The following ANXA4 variants were observed in gnomAD, a reference collection of about 807,000 sequenced individuals.
ANXA4 encodes annexin A4.
Under a neutral mutation model 49.8 loss-of-function variants are expected in ANXA4, and 39 were observed. The ratio of observed to expected loss-of-function variants is 0.78; its 90% CI spans 0.61 to 1.02. ANXA4 has a LOEUF of 1.02. ANXA4 is among the 50% of genes least tolerant of loss of function. The probability of loss-of-function intolerance (pLI) is 0.00; values close to 1 mark genes in which losing one functional copy is unlikely to be tolerated. For synonymous variants in ANXA4, 134 were observed against 152.5 expected, an observed-to-expected ratio of 0.88 and a Z score of 0.89; for missense variants, 360 against 410.1, an observed-to-expected ratio of 0.88 and a Z score of 1.05.
chr2:69,672,975 A>C (rs937807429), intron 2 of ANXA4, among the ~76,000 whole-genome samples: 3 of 152,190 alleles, frequency 2.0e-5, no homozygotes, highest in Non-Finnish European at 4.4e-5. Flanking sequence ...ATACCATCTC[A>C]CACCAGTTAG....
chr2:69,803,989 T>G (rs1430097302), intron 3 of ANXA4, among the ~76,000 whole-genome samples: 3 of 151,672 alleles, frequency 2.0e-5, no homozygotes, highest in Non-Finnish European at 4.4e-5. Context: ...AACACAAAAA[T>G]TCGCTGGGGG....
chr2:69,741,269 A>G (rs1670387166), upstream of ANXA4, among the ~76,000 whole-genome samples: 1 of 152,198 alleles, frequency 6.6e-6, no homozygotes, highest in Non-Finnish European at 1.5e-5. Flanking sequence ...TTCTGCAAGC[A>G]TTCACTACGT....
At chr2:69,718,665 A>G (rs1669718383) in intron 2 of ANXA4, among the ~76,000 whole-genome samples, 1 of 152,152 alleles carries the variant, frequency 6.6e-6, no homozygotes, top group Admixed American at 6.5e-5. Flanking sequence ...ACATGCATAC[A>G]CAAACATGTA....
intron 2 of ANXA4, among the ~76,000 whole-genome samples, chr2:69,695,240 C>A (rs779339663): frequency 6.6e-6 from 1 of 152,156 alleles, no homozygotes; most frequent in Non-Finnish European, 1.5e-5. Flanking sequence ...AGTACTCACA[C>A]CATAAACAGC....
chr2:69,821,783 G>C (rs1468260978), intron 12 of ANXA4, among the ~76,000 whole-genome samples: 2 of 152,142 alleles, frequency 1.3e-5, no homozygotes, highest in Admixed American at 1.3e-4. Context: ...CGTCTACAAG[G>C]CATGCAGGAA....
At chr2:69,702,143 C>T (rs188202650) in intron 2 of ANXA4, among the ~76,000 whole-genome samples, 67 of 147,400 alleles carry the variant, frequency 4.5e-4, no homozygotes, top group African/African-American at 1.6e-3. Flanking sequence ...TCCTGAGCAG[C>T]TGTGATTACA....
chr2:69,763,322 G>C (rs1343775066), intron 1 of ANXA4, among the ~76,000 whole-genome samples: 2 of 152,186 alleles, frequency 1.3e-5, no homozygotes, highest in Non-Finnish European at 2.9e-5. Context: ...CTTACTCTCT[G>C]CTCAGTTCCA....
intron 2 of ANXA4, among the ~76,000 whole-genome samples, chr2:69,677,584 A>G (rs191557865): frequency 4.9e-4 from 74 of 152,238 alleles, no homozygotes; most frequent in African/African-American, 1.7e-3. Flanking sequence ...GCTACATCAC[A>G]ATTTGCTTAA....
intron 2 of ANXA4, among the ~76,000 whole-genome samples, chr2:69,674,949 G>T (rs1226040794): frequency 7.1e-6 from 1 of 139,888 alleles, no homozygotes; most frequent in Non-Finnish European, 1.5e-5. Flanking sequence ...TTGAGATGGA[G>T]TCTCGCTCTG....
At chr2:69,763,135 GT>G (rs2105530373) in intron 1 of ANXA4, among the ~76,000 whole-genome samples, 2 of 152,236 alleles carry the variant, frequency 1.3e-5, no homozygotes, top group South Asian at 4.1e-4. Context: ...TTCTGTTTTT[GT>G]GCTCTTCTGC....
At chr2:69,708,227 T>C (rs1440078472) in intron 2 of ANXA4, among the ~76,000 whole-genome samples, 1 of 152,138 alleles carries the variant, frequency 6.6e-6, no homozygotes, top group Non-Finnish European at 1.5e-5. Flanking sequence ...CACAATGATA[T>C]CATGATTCCC....
chr2:69,723,981 G>A (rs560162533), intron 3 of ANXA4, among the ~76,000 whole-genome samples: 3 of 152,212 alleles, frequency 2.0e-5, no homozygotes, highest in Non-Finnish European at 4.4e-5. Context: ...GGGGCCGGGC[G>A]CGGTGGCGCA....
chr2:69,756,275 G>A (rs977665889), intron 1 of ANXA4, among the ~76,000 whole-genome samples: 3 of 152,156 alleles, frequency 2.0e-5, no homozygotes, highest in Non-Finnish European at 4.4e-5. Flanking sequence ...CCTGCCTTGG[G>A]GCGTTTTTGC....
intron 2 of ANXA4, among the ~76,000 whole-genome samples, chr2:69,782,702 T>G (rs192385891): frequency 1.9e-3 from 289 of 152,268 alleles, no homozygotes; most frequent in African/African-American, 6.5e-3. Flanking sequence ...CCCTACTTTG[T>G]GGCAGATGTG....
At chr2:69,784,464 A>C (rs920101680) in intron 2 of ANXA4, among the ~76,000 whole-genome samples, 3 of 152,214 alleles carry the variant, frequency 2.0e-5, no homozygotes, top group African/African-American at 7.2e-5. Context: ...GAAACATTCA[A>C]CTCAGAAAGC....
rs539544477 is a variant in ANXA4, at chr2:69,786,078, G to A, written c.10-1976G>A. Reference sequence around the variant, plus strand: ...AATTGTCTTTTTGACAATTCCACTTGGATATTTAATGGACATCCCAAACTT... The same window carrying A: ...AATTGTCTTTTTGACAATTCCACTTAGATATTTAATGGACATCCCAAACTT... On this transcript the variant is annotated intron_variant, in intron 2 of 12. Coordinates refer to ENST00000394295, the MANE Select transcript of ANXA4 (RefSeq NM_001153.5). 5.9e-5 allele frequency among the ~76,000 whole-genome samples: 9 copies of A among 152,210 alleles called. 1 individual carries two copies. Among genetic ancestry groups the A allele is most frequent in the Admixed American group, 4.6e-4 (7 of 15,288 alleles).
At chr2:69,718,399 GGGATGTAATACACCAGCCA>G (rs1669710578) in intron 2 of ANXA4, among the ~76,000 whole-genome samples, 1 of 152,124 alleles carries the variant, frequency 6.6e-6, no homozygotes, top group African/African-American at 2.4e-5. Flanking sequence ...GATTCTTGGG[GGGATGTAATACACCAGCCA>G]GGAACTAAAT....
chr2:69,810,721 T>G, intron 7 of ANXA4, 48 bp downstream of exon 7: 1 of 1,477,230 alleles, frequency 6.8e-7, no homozygotes, highest in Non-Finnish European at 9.5e-7. Flanking sequence ...AAATGTCCAC[T>G]CTATCCCCTT....
intron 11 of ANXA4, 91 bp from the exon 12 acceptor site, chr2:69,820,608 A>T (rs1338017920): frequency 2.0e-6 from 3 of 1,475,468 alleles, no homozygotes. Flanking sequence ...TCGTCAGCAC[A>T]GTCATCTCTA....
Sources: gnomAD v4.1 joint callset for allele counts (sites outside exome capture counted in the v4.1 genomes callset) on GRCh38, gnomAD v4.1.1 for gene constraint, MANE v1.5 for transcripts, NCBI Gene and HGNC (gene_info 2026-07-23, HGNC 2026-07-21) for gene names.